The following JAM3 variants were observed in gnomAD, a reference collection of about 807,000 sequenced individuals.
JAM3 encodes the protein junctional adhesion molecule C.
JAM3 carries 31 observed loss-of-function variants against 39.4 expected under a neutral mutation model. The ratio of observed to expected loss-of-function variants is 0.79; its 90% CI spans 0.59 to 1.06. JAM3 has a LOEUF of 1.06. Among genes scored for constraint, JAM3 ranks in the 50% least tolerant of loss-of-function variants. JAM3 has a pLI of 0.00. For missense variants in JAM3, 455 were observed against 391.4 expected (o/e 1.16, Z -1.37); for synonymous variants, 182 against 148.7 (o/e 1.22, Z -1.63).
intron 1 of JAM3, among the ~76,000 whole-genome samples, chr11:134,098,506 A>G (rs1942023113): frequency 6.6e-6 from 1 of 152,202 alleles, no homozygotes; most frequent in South Asian, 2.1e-4. Flanking sequence ...TAGAAATAGT[A>G]TGTATCTAAA....
chr11:134,117,474 G>T (rs893184030), intron 1 of JAM3, among the ~76,000 whole-genome samples: 1 of 152,182 alleles, frequency 6.6e-6, no homozygotes, highest in Non-Finnish European at 1.5e-5. Context: ...TTTGCAGTCT[G>T]TTCTACCTCA....
At chr11:134,071,329 G>A (rs942640253) in intron 1 of JAM3, among the ~76,000 whole-genome samples, 9 of 152,168 alleles carry the variant, frequency 5.9e-5, no homozygotes, top group African/African-American at 2.2e-4. Flanking sequence ...TATCCTGTGC[G>A]TTTTAAATGG....
chr11:134,075,664 G>A (rs1166563893), intron 1 of JAM3, among the ~76,000 whole-genome samples: 2 of 152,032 alleles, frequency 1.3e-5, no homozygotes, highest in Middle Eastern at 3.2e-3. Context: ...TGAGTTTAAG[G>A]GATCCTACTG....
At chr11:134,141,839 G>GTACA (rs1238012503) in intron 3 of JAM3, among the ~76,000 whole-genome samples, 2 of 152,010 alleles carry the variant, frequency 1.3e-5, no homozygotes, top group Non-Finnish European at 2.9e-5. Flanking sequence ...GCTGCAGGAG[G>GTACA]TACACATGCA....
At chr11:134,113,573 T>G (rs949023142) in intron 1 of JAM3, among the ~76,000 whole-genome samples, 2 of 152,256 alleles carry the variant, frequency 1.3e-5, no homozygotes, top group Non-Finnish European at 2.9e-5. Context: ...GTGCCACATT[T>G]TCTTAATCCA....
chr11:134,102,355 C>T (rs950014631), intron 1 of JAM3, among the ~76,000 whole-genome samples: 2 of 152,112 alleles, frequency 1.3e-5, no homozygotes, highest in African/African-American at 2.4e-5. Flanking sequence ...ACACCAAAAC[C>T]CCATCTGTAT....
intron 3 of JAM3, 33 bp downstream of exon 3, chr11:134,140,803 T>C (rs936376717): frequency 1.3e-6 from 2 of 1,590,518 alleles, no homozygotes; most frequent in Admixed American, 1.8e-5. Flanking sequence ...CCTGCTGACC[T>C]TTCCTCTGTC....
At chr11:134,100,937 G>T (rs1310951430) in intron 1 of JAM3, among the ~76,000 whole-genome samples, 1 of 152,058 alleles carries the variant, frequency 6.6e-6, no homozygotes, top group Non-Finnish European at 1.5e-5. Context: ...ATGAAGTAAA[G>T]TTAACTAAAG....
In JAM3 at chr11:134,072,021, C is replaced by G. The variant is rs563470038; in HGVS notation, c.76+2862C>G. Among the ~76,000 whole-genome samples, 154 of 152,256 alleles carry G rather than the reference C, an allele frequency of 1.0e-3. 1 individual carries two copies. The highest frequency in any genetic ancestry group is 6.0e-3 in the South Asian group (29 of 4,828). On this transcript the variant is annotated intron_variant, in intron 1 of 8. Coordinates refer to ENST00000299106, the MANE Select transcript of JAM3 (RefSeq NM_032801.5). ...CATTCAGGCAGAATTATCCACACAA[C>G]CCCTAAGCTCCATGGAACTTGTTCT...
intron 1 of JAM3, among the ~76,000 whole-genome samples, chr11:134,128,677 T>C: frequency 6.6e-6 from 1 of 152,040 alleles, no homozygotes; most frequent in East Asian, 1.9e-4. Context: ...TGCTGCTTTG[T>C]GAAGAAGGTG....
intron 3 of JAM3, among the ~76,000 whole-genome samples, chr11:134,143,796 A>G (rs1943018543): frequency 6.6e-6 from 1 of 152,194 alleles, no homozygotes; most frequent in Non-Finnish European, 1.5e-5. Context: ...TAAGAGTTTT[A>G]TAGTTTTAAC....
At position 134,151,616 on chromosome 11, in the gene JAM3, C is replaced by G. The variant is rs1332554322; in HGVS notation, c.*2435C>G. On this transcript the variant is annotated 3_prime_UTR_variant, in exon 9 of 9. Transcript: ENST00000299106. Reference sequence around the variant, plus strand: ...TGTATTTTAAGATATGAATGTGACTCAAGACTCGAGGCCGATACGAGGCTG... The same window carrying G: ...TGTATTTTAAGATATGAATGTGACTGAAGACTCGAGGCCGATACGAGGCTG... 1 of 152,168 alleles carries G rather than the reference C, an allele frequency of 6.6e-6. No homozygotes were observed. The highest frequency in any genetic ancestry group is 1.9e-4 in the East Asian group (1 of 5,186). 9.4% of individuals were successfully genotyped at this position (152,168 alleles called of 1,614,324 possible).
intron 1 of JAM3, among the ~76,000 whole-genome samples, chr11:134,138,576 C>T (rs533600718): frequency 3.8e-4 from 58 of 152,348 alleles, no homozygotes; most frequent in African/African-American, 1.3e-3. Context: ...TCATTCTTTA[C>T]TAGTGCATCA....
chr11:134,092,521 T>C (rs672131), intron 1 of JAM3, among the ~76,000 whole-genome samples: 51,183 of 133,312 alleles, frequency 0.38, 10,843 homozygotes, highest in African/African-American at 0.57. Context: ...CTGAGCCCTC[T>C]TTATTCATCA....
At chr11:134,083,260 CT>C (rs1430616525) in intron 1 of JAM3, among the ~76,000 whole-genome samples, 2 of 152,174 alleles carry the variant, frequency 1.3e-5, no homozygotes, top group African/African-American at 4.8e-5. Flanking sequence ...TGTCATCTAC[CT>C]CCGGTGTCCA....
chr11:134,144,148 T>A, intron 3 of JAM3, 93 bp from the exon 4 acceptor site: 1 of 1,192,914 alleles, frequency 8.4e-7, no homozygotes, highest in Non-Finnish European at 1.2e-6. Context: ...GCTTCCTTGC[T>A]GTGGCATCTA....
At chr11:134,099,092 T>C (rs558221609) in intron 1 of JAM3, among the ~76,000 whole-genome samples, 1 of 152,156 alleles carries the variant, frequency 6.6e-6, no homozygotes, top group Non-Finnish European at 1.5e-5. Context: ...CCTTGTATGC[T>C]TGGGAGGCTG....
At chr11:134,099,994 A>G (rs1193950120) in intron 1 of JAM3, among the ~76,000 whole-genome samples, 1 of 152,184 alleles carries the variant, frequency 6.6e-6, no homozygotes, top group Non-Finnish European at 1.5e-5. Context: ...TTTTAAGTCA[A>G]TGTGTGCTAT....
intron 1 of JAM3, among the ~76,000 whole-genome samples, chr11:134,119,189 G>A (rs551966806): frequency 6.6e-6 from 1 of 152,208 alleles, no homozygotes; most frequent in South Asian, 2.1e-4. Flanking sequence ...GTCTCCCAAA[G>A]TGCTGGGATC....
Sources: allele counts gnomAD v4.1 joint callset (sites outside exome capture counted in the v4.1 genomes callset), GRCh38; gene constraint gnomAD v4.1.1; transcripts MANE v1.5; gene names NCBI Gene and HGNC (gene_info 2026-07-23, HGNC 2026-07-21).